The following EIPR1 variants were observed in gnomAD, a reference collection of about 807,000 sequenced individuals.
EIPR1 encodes EARP and GARP complex-interacting protein 1.
In EIPR1, 25 loss-of-function variants were observed where a neutral mutation model predicts 48.1. The ratio of observed to expected loss-of-function variants is 0.52; its 90% CI spans 0.38 to 0.73. The LOEUF (loss-of-function observed/expected upper bound fraction) is 0.73, where lower values mean the gene tolerates loss of function less well. EIPR1 is among the 30% of genes least tolerant of loss of function. The pLI is 0.00. For missense variants in EIPR1, 415 were observed against 506.2 expected, an observed-to-expected ratio of 0.82 and a Z score of 1.73; for synonymous variants, 204 against 201.9, an observed-to-expected ratio of 1.01 and a Z score of -0.09.
intron 2 of EIPR1, among the ~76,000 whole-genome samples, chr2:3,343,789 C>T (rs539322170): frequency 6.6e-6 from 1 of 152,096 alleles, no homozygotes; most frequent in African/African-American, 2.4e-5. Flanking sequence ...AGCTGTGGGG[C>T]CGGGCCACCG....
chr2:3,251,525 A>C (rs991210612), intron 4 of EIPR1, among the ~76,000 whole-genome samples: 1 of 152,186 alleles, frequency 6.6e-6, no homozygotes, highest in Non-Finnish European at 1.5e-5. Context: ...TGACTTGCCC[A>C]AAGTTGGAAC....
At chr2:3,329,147 A>G (rs1300907732) in intron 3 of EIPR1, among the ~76,000 whole-genome samples, 8 of 138,866 alleles carry the variant, frequency 5.8e-5, no homozygotes, top group East Asian at 2.4e-4. Flanking sequence ...GGCTCCCCTG[A>G]ATCAGAGCCC....
chr2:3,353,544 TTC>T (rs1670642161), intron 2 of EIPR1, among the ~76,000 whole-genome samples: 2 of 152,224 alleles, frequency 1.3e-5, no homozygotes, highest in African/African-American at 4.8e-5. Context: ...AAGTGGCAAT[TTC>T]ATATTGTTCA....
At chr2:3,334,540 C>T (rs551948119) in intron 3 of EIPR1, among the ~76,000 whole-genome samples, 1 of 152,350 alleles carries the variant, frequency 6.6e-6, no homozygotes, top group East Asian at 1.9e-4. Flanking sequence ...CGCCTTGCCC[C>T]ACGGGTGCGA....
intron 2 of EIPR1, among the ~76,000 whole-genome samples, chr2:3,354,055 C>T (rs771965370): frequency 2.0e-5 from 3 of 152,148 alleles, no homozygotes; most frequent in South Asian, 2.1e-4. Flanking sequence ...GAACCGAATC[C>T]GATCTCCTAA....
At chr2:3,244,008 T>C (rs1666720866) in intron 4 of EIPR1, among the ~76,000 whole-genome samples, 1 of 152,216 alleles carries the variant, frequency 6.6e-6, no homozygotes, top group African/African-American at 2.4e-5. Context: ...GTGTCCTCTC[T>C]CGGGTTCACA....
intron 5 of EIPR1, among the ~76,000 whole-genome samples, chr2:3,203,063 G>T (rs1370792956): frequency 6.6e-6 from 1 of 152,204 alleles, no homozygotes; most frequent in African/African-American, 2.4e-5. Flanking sequence ...TCAATGCCAG[G>T]CCCTGTGCGG....
At chr2:3,258,616 G>A (rs1340317817) in intron 3 of EIPR1, among the ~76,000 whole-genome samples, 2 of 152,140 alleles carry the variant, frequency 1.3e-5, no homozygotes, top group African/African-American at 2.4e-5. Context: ...ATGCTCTTGC[G>A]ATCTCAATAT....
At chr2:3,220,841 G>A in intron 4 of EIPR1, among the ~76,000 whole-genome samples, 1 of 149,920 alleles carries the variant, frequency 6.7e-6, no homozygotes, top group Non-Finnish European at 1.5e-5. Flanking sequence ...TTCACGGTGA[G>A]TCGGGAACAC....
At chr2:3,200,169 C>T (rs1664978799) in intron 5 of EIPR1, among the ~76,000 whole-genome samples, 1 of 152,020 alleles carries the variant, frequency 6.6e-6, no homozygotes, top group Non-Finnish European at 1.5e-5. Context: ...TGGGTGTTGC[C>T]GAGGAGTGGA....
At chr2:3,281,819 T>C (rs1342321426) in intron 3 of EIPR1, among the ~76,000 whole-genome samples, 1 of 152,272 alleles carries the variant, frequency 6.6e-6, no homozygotes, top group Non-Finnish European at 1.5e-5. Flanking sequence ...AATGTAACTG[T>C]GTTTATTTCA....
At chr2:3,252,185 G>A (rs551302798) in intron 4 of EIPR1, among the ~76,000 whole-genome samples, 6 of 152,254 alleles carry the variant, frequency 3.9e-5, no homozygotes, top group East Asian at 1.9e-4. Flanking sequence ...ACACAGCCTC[G>A]GACCTGACAA....
chr2:3,311,662 T>C (rs1669131545), intron 3 of EIPR1, among the ~76,000 whole-genome samples: 1 of 152,166 alleles, frequency 6.6e-6, no homozygotes, highest in Admixed American at 6.5e-5. Flanking sequence ...CATGAGGTGG[T>C]GTCTGCAGAG....
chr2:3,306,832 A>AG (rs1467740906), intron 3 of EIPR1, among the ~76,000 whole-genome samples: 2 of 152,156 alleles, frequency 1.3e-5, no homozygotes, highest in Non-Finnish European at 2.9e-5. Flanking sequence ...GGACCCCCCC[A>AG]GTCCAAACCC....
At chr2:3,341,121 C>CA (rs1258563248) in intron 2 of EIPR1, among the ~76,000 whole-genome samples, 3 of 91,592 alleles carry the variant, frequency 3.3e-5, no homozygotes, top group Non-Finnish European at 4.3e-5. Context: ...AAAAAAAAAA[C>CA]AAAACAAAAC....
At chr2:3,311,886 G>A (rs994662990) in intron 3 of EIPR1, among the ~76,000 whole-genome samples, 5 of 152,216 alleles carry the variant, frequency 3.3e-5, no homozygotes, top group African/African-American at 9.7e-5. Context: ...CAGTCTTGGG[G>A]CACTGGGGTC....
chr2:3,318,495 CAG>C (rs1281929708), intron 3 of EIPR1, among the ~76,000 whole-genome samples: 1 of 152,148 alleles, frequency 6.6e-6, no homozygotes, highest in Non-Finnish European at 1.5e-5. Context: ...TCAATGAGGA[CAG>C]AGAGATGATA....
At chr2:3,370,005 A>C (rs956487294) in intron 1 of EIPR1, among the ~76,000 whole-genome samples, 28 of 152,106 alleles carry the variant, frequency 1.8e-4, no homozygotes, top group Non-Finnish European at 8.8e-5. Flanking sequence ...GGGCAGACTG[A>C]CACCTCACAC....
At position 3,327,307 on chromosome 2, in the gene EIPR1, T is replaced by C. The variant is rs552485529; in HGVS notation, c.259+10710A>G. On this transcript the variant is annotated intron_variant, in intron 3 of 8. Transcript: ENST00000382125. Reference sequence around the variant, plus strand: ...CAAGCGATTCTCCTGCCTCAGCCTCTCGAGTAGCTGGGACTACAGGCACGC... The same window carrying C: ...CAAGCGATTCTCCTGCCTCAGCCTCCCGAGTAGCTGGGACTACAGGCACGC... Among the ~76,000 whole-genome samples, 33 of 152,152 alleles carry C rather than the reference T, an allele frequency of 2.2e-4. 1 individual carries two copies. In the South Asian group the frequency reaches 6.8e-3, roughly 32 times the overall value.
Sources: gnomAD v4.1 joint callset for allele counts (sites outside exome capture counted in the v4.1 genomes callset) on GRCh38, gnomAD v4.1.1 for gene constraint, MANE v1.5 for transcripts, NCBI Gene and HGNC (gene_info 2026-07-23, HGNC 2026-07-21) for gene names.